The following CTNNA2 variants were observed in gnomAD, a reference collection of about 807,000 sequenced individuals.
CTNNA2 encodes catenin alpha-2.
A neutral mutation model predicts 101.0 loss-of-function variants in CTNNA2; 42 were observed. That is an observed-to-expected ratio of 0.42 (90% confidence interval 0.32 to 0.54). The LOEUF is 0.54. CTNNA2 is among the 20% of genes least tolerant of loss of function. CTNNA2 has a pLI of 0.14. For synonymous variants in CTNNA2, 450 were observed against 456.4 expected (o/e 0.99, Z 0.18); for missense variants, 871 against 1,223.1 (o/e 0.71, Z 4.29).
At chr2:79,483,382 A>T (rs533456404) in intron 4 of CTNNA2, among the ~76,000 whole-genome samples, 23 of 152,320 alleles carry the variant, frequency 1.5e-4, no homozygotes, top group African/African-American at 5.3e-4. Flanking sequence ...AGATCAGAAA[A>T]GGGGCACATC....
At chr2:79,519,501 A>G (rs1350744349) in intron 1 of CTNNA2, among the ~76,000 whole-genome samples, 1 of 152,116 alleles carries the variant, frequency 6.6e-6, no homozygotes, top group African/African-American at 2.4e-5. Flanking sequence ...ATAAGCCTCA[A>G]ACTCTCCAAC....
At chr2:79,964,486 T>C (rs889041067) in intron 7 of CTNNA2, among the ~76,000 whole-genome samples, 7 of 152,146 alleles carry the variant, frequency 4.6e-5, no homozygotes, top group Non-Finnish European at 7.4e-5. Context: ...GAAAAAGAAG[T>C]CTTTATGAAA....
chr2:79,214,958 T>A (rs12463536), intron 2 of CTNNA2, among the ~76,000 whole-genome samples: 13 of 151,652 alleles, frequency 8.6e-5, no homozygotes, highest in African/African-American at 3.1e-4. Context: ...TAATGTGGAG[T>A]GGGTAGCCTC....
intron 1 of CTNNA2, among the ~76,000 whole-genome samples, chr2:79,559,802 A>G (rs115208884): frequency 0.018 from 2,681 of 152,028 alleles, 41 homozygotes; most frequent in Non-Finnish European, 0.027. Flanking sequence ...GGTTATAATA[A>G]TAGTGGTGAA....
At chr2:79,672,730 C>T (rs1232660840) in intron 2 of CTNNA2, among the ~76,000 whole-genome samples, 25 of 129,570 alleles carry the variant, frequency 1.9e-4, no homozygotes, top group African/African-American at 6.1e-4. Context: ...TTTTTTGAGA[C>T]GGAGTTTTGC....
At chr2:80,258,114 G>A (rs533240991) in intron 7 of CTNNA2, among the ~76,000 whole-genome samples, 2 of 152,338 alleles carry the variant, frequency 1.3e-5, no homozygotes, top group South Asian at 2.1e-4. Flanking sequence ...ACAGATGGAT[G>A]TAAAGTAAGG....
chr2:79,744,540 AAAG>A lies in CTNNA2; in HGVS notation c.261_263del (p.Glu88del). 1 of 1,613,148 alleles carries A rather than the reference AAAG, an allele frequency of 6.2e-7. No homozygotes were observed. Among genetic ancestry groups the A allele is most frequent in the Non-Finnish European group, 8.5e-7 (1 of 1,179,246 alleles). On this transcript the variant is annotated inframe_deletion, in exon 3 of 19. Transcript: ENST00000402739. The stretch of plus-strand genomic sequence containing the variant: ...GATCGCTAAGGAGAGTCAAGATCTC[AAAG>A]AAGAGTTGGTGGCTGCTGTAGAGGA...
chr2:80,322,291 C>A (rs1044561878), intron 7 of CTNNA2, among the ~76,000 whole-genome samples: 14 of 152,296 alleles, frequency 9.2e-5, no homozygotes, highest in African/African-American at 3.1e-4. Flanking sequence ...AATACAGTGT[C>A]TTCCCTAAGC....
intron 7 of CTNNA2, among the ~76,000 whole-genome samples, chr2:80,223,312 G>A (rs1708684971): frequency 6.6e-6 from 1 of 152,172 alleles, no homozygotes; most frequent in Non-Finnish European, 1.5e-5. Flanking sequence ...TAGAGGAAGG[G>A]AAGAGAGAGG....
chr2:80,016,930 T>C (rs915768062), intron 7 of CTNNA2, among the ~76,000 whole-genome samples: 3 of 152,244 alleles, frequency 2.0e-5, no homozygotes, highest in Non-Finnish European at 4.4e-5. Context: ...TTAAGGTGAA[T>C]ATATGATTAA....
chr2:79,329,428 C>G (rs1381590947), intron 3 of CTNNA2, among the ~76,000 whole-genome samples: 1 of 152,178 alleles, frequency 6.6e-6, no homozygotes, highest in Non-Finnish European at 1.5e-5. Flanking sequence ...TGGCAGGGAA[C>G]AGAAAGGTAT....
At chr2:79,727,291 A>G (rs1175874156) in intron 2 of CTNNA2, among the ~76,000 whole-genome samples, 1 of 152,212 alleles carries the variant, frequency 6.6e-6, no homozygotes, top group South Asian at 2.1e-4. Context: ...AAGTGTACAT[A>G]TGAAGAAAAG....
intron 4 of CTNNA2, among the ~76,000 whole-genome samples, chr2:79,427,996 T>A (rs1311115612): frequency 6.6e-6 from 1 of 152,166 alleles, no homozygotes; most frequent in Non-Finnish European, 1.5e-5. Context: ...ATCAGCCTCA[T>A]CCTGTCACTT....
At chr2:80,581,904 C>T (rs190244956) in intron 14 of CTNNA2, 85 bp downstream of exon 14, 19 of 746,630 alleles carry the variant, frequency 2.5e-5, no homozygotes, top group East Asian at 1.5e-4. Flanking sequence ...ACTCCAGACA[C>T]GTGGTACCCC....
chr2:79,865,304 T>A (rs1446649498), intron 4 of CTNNA2, among the ~76,000 whole-genome samples: 5 of 152,224 alleles, frequency 3.3e-5, no homozygotes, highest in Non-Finnish European at 7.3e-5. Context: ...ATTAAATAAG[T>A]ACAATAGTTA....
At chr2:79,452,821 G>A (rs1053071800) in intron 4 of CTNNA2, among the ~76,000 whole-genome samples, 1 of 152,010 alleles carries the variant, frequency 6.6e-6, no homozygotes. Context: ...TATCATTCTA[G>A]TCACTCATTG....
chr2:79,422,469 G>A (rs1678549900), intron 4 of CTNNA2, among the ~76,000 whole-genome samples: 1 of 152,180 alleles, frequency 6.6e-6, no homozygotes, highest in Non-Finnish European at 1.5e-5. Flanking sequence ...AGCCCCAAAT[G>A]TCGATAATGT....
rs754047496 is a variant in CTNNA2 at position 80,303,306 on chromosome 2, C to T, written c.1057-89905C>T. ...ATGCGCACGGGCACAAACTGGATGGCGTTGGCCCGCATATGCAGCGTGGTG... is the reference window on the plus strand; with the variant it reads ...ATGCGCACGGGCACAAACTGGATGGTGTTGGCCCGCATATGCAGCGTGGTG... On this transcript the variant is annotated intron_variant, in intron 7 of 18. Coordinates refer to ENST00000402739, the MANE Select transcript of CTNNA2 (RefSeq NM_001282597.3). This position sits in a 1 kb window ranked among gnomAD's most constrained non-coding sequence, Gnocchi z 7.7. The T allele has an allele frequency of 6.2e-7, 1 of 1,613,612 alleles. No individual in the cohort carries two copies.
chr2:80,098,522 C>G (rs935849852), intron 7 of CTNNA2, among the ~76,000 whole-genome samples: 12 of 152,208 alleles, frequency 7.9e-5, no homozygotes, highest in South Asian at 6.2e-4. Context: ...AACCACTACT[C>G]TCTTCAAAGC....
Sources: gnomAD v4.1 joint callset for allele counts (sites outside exome capture counted in the v4.1 genomes callset) on GRCh38, gnomAD v4.1.1 for gene constraint, Gnocchi (gnomAD v3.1) non-coding constraint, MANE v1.5 for transcripts, NCBI Gene and HGNC (gene_info 2026-07-23, HGNC 2026-07-21) for gene names.